Variants in MUSK observed in about 807,000 individuals in gnomAD.
MUSK encodes the protein muscle, skeletal receptor tyrosine-protein kinase.
MUSK carries 55 observed loss-of-function variants against 88.7 expected under a neutral mutation model. The observed-to-expected ratio is 0.62, with a 90% CI of 0.50 to 0.78. The LOEUF (loss-of-function observed/expected upper bound fraction) is 0.78. Ranked by LOEUF, MUSK falls within the 30% of genes least tolerant of loss-of-function variation. The pLI is 0.00. For missense variants in MUSK, 1,015 were observed against 1,074.3 expected (o/e 0.94, Z 0.77); for synonymous variants, 387 against 391.9 (o/e 0.99, Z 0.15).
intron 7 of MUSK, among the ~76,000 whole-genome samples, chr9:110,753,905 T>C (rs538888831): frequency 2.0e-5 from 3 of 152,328 alleles, no homozygotes; most frequent in African/African-American, 7.2e-5. Flanking sequence ...TCAGTATAGC[T>C]GATTGAATGT....
At chr9:110,707,870 G>A (rs146328484) in intron 5 of MUSK, among the ~76,000 whole-genome samples, 188 of 152,192 alleles carry the variant, frequency 1.2e-3, no homozygotes, top group African/African-American at 4.2e-3. Context: ...GCAAGGGAAG[G>A]CAAGTCATAT....
intron 5 of MUSK, among the ~76,000 whole-genome samples, chr9:110,725,629 T>A (rs1328116902): frequency 1.3e-5 from 2 of 151,970 alleles, no homozygotes; most frequent in Non-Finnish European, 2.9e-5. Flanking sequence ...CTAATGCAAC[T>A]GGCAAATAAC....
chr9:110,727,125 T>G (rs2076896061), intron 5 of MUSK, among the ~76,000 whole-genome samples: 1 of 152,090 alleles, frequency 6.6e-6, no homozygotes, highest in Non-Finnish European at 1.5e-5. Context: ...TTTAAATAGT[T>G]TTTGAACTTG....
chr9:110,680,495 T>G (rs2131642567), intron 1 of MUSK, among the ~76,000 whole-genome samples: 1 of 151,744 alleles, frequency 6.6e-6, no homozygotes, highest in Non-Finnish European at 1.5e-5. Flanking sequence ...GCGATTATAG[T>G]ACTTCAGCCT....
At chr9:110,776,104 AC>A in intron 10 of MUSK, 141 bp downstream of exon 10, 3 of 765,342 alleles carry the variant, frequency 3.9e-6, no homozygotes, top group Non-Finnish European at 6.4e-6. Flanking sequence ...TTAGATACCT[AC>A]TAGCGGAATC....
chr9:110,692,055 A>G (rs2076363870), intron 3 of MUSK, among the ~76,000 whole-genome samples: 2 of 152,198 alleles, frequency 1.3e-5, no homozygotes, highest in South Asian at 4.1e-4. Flanking sequence ...AGAGTTCATA[A>G]ATTTCACAAA....
At chr9:110,736,101 C>A (rs1298563514) in intron 6 of MUSK, among the ~76,000 whole-genome samples, 3 of 151,994 alleles carry the variant, frequency 2.0e-5, no homozygotes, top group African/African-American at 7.2e-5. Context: ...TAGCACAATA[C>A]AATATTTAAG....
Position 110,784,992 on chromosome 9 carries a change from G to T in MUSK, c.1562G>T (p.Arg521Ile). 1 of 1,613,560 alleles carries T rather than the reference G, an allele frequency of 6.2e-7. No homozygotes were observed. The highest frequency in any genetic ancestry group is 8.5e-7 in the Non-Finnish European group (1 of 1,179,730). Residue 521 changes from arginine to isoleucine, a missense_variant, in exon 12 of 15, where the codon AGA becomes ATA. By Grantham distance (97) the Arg-to-Ile change is moderately conservative. Coordinates refer to ENST00000374448, the MANE Select transcript of MUSK (RefSeq NM_005592.4). ...ACTACTCTCTATTGCTGCCGAAGAAGAAAACAATGGAAAAATAAGAAAAGG... is the reference window on the plus strand; with the variant it reads ...ACTACTCTCTATTGCTGCCGAAGAATAAAACAATGGAAAAATAAGAAAAGG... ...TITTLYCCRR[R>I]KQWKNKKRES...
chr9:110,758,036 G>A (rs1046578392), intron 7 of MUSK, among the ~76,000 whole-genome samples: 3 of 151,722 alleles, frequency 2.0e-5, no homozygotes, highest in Non-Finnish European at 2.9e-5. Flanking sequence ...GTGTGATCTC[G>A]GCTCATTGCA....
intron 3 of MUSK, among the ~76,000 whole-genome samples, chr9:110,690,203 T>G (rs1270446016): frequency 2.9e-5 from 3 of 104,560 alleles, no homozygotes; most frequent in Non-Finnish European, 3.4e-5. Context: ...TATAAATATA[T>G]ATAAATATAT....
At chr9:110,763,600 T>C (rs1315411334) in intron 8 of MUSK, among the ~76,000 whole-genome samples, 1 of 152,178 alleles carries the variant, frequency 6.6e-6, no homozygotes, top group Non-Finnish European at 1.5e-5. Context: ...GAATCTGTCA[T>C]TACCTTTGTT....
At chr9:110,717,991 T>G (rs1482357890) in intron 5 of MUSK, among the ~76,000 whole-genome samples, 1 of 152,152 alleles carries the variant, frequency 6.6e-6, no homozygotes, top group African/African-American at 2.4e-5. Context: ...ACTCAGGAAG[T>G]ACAGAGTGAC....
At chr9:110,697,251 G>C in intron 4 of MUSK, 74 bp from the exon 5 acceptor site, 1 of 1,489,070 alleles carries the variant, frequency 6.7e-7, no homozygotes, top group Non-Finnish European at 9.3e-7. Flanking sequence ...ATGACAATAA[G>C]TTGATGATAT....
chr9:110,746,866 C>T (rs923571366), intron 6 of MUSK, among the ~76,000 whole-genome samples: 1 of 152,152 alleles, frequency 6.6e-6, no homozygotes, highest in African/African-American at 2.4e-5. Flanking sequence ...ACCATTTTTC[C>T]TGACAACCAT....
chr9:110,779,494 C>T (rs943588002), intron 11 of MUSK, among the ~76,000 whole-genome samples: 6 of 152,072 alleles, frequency 3.9e-5, no homozygotes, highest in Non-Finnish European at 5.9e-5. Flanking sequence ...CAATTTTTAA[C>T]TTTTTCTTTT....
At chr9:110,685,219 G>A (rs188441253) in intron 2 of MUSK, among the ~76,000 whole-genome samples, 5 of 152,054 alleles carry the variant, frequency 3.3e-5, no homozygotes, top group East Asian at 1.9e-4. Flanking sequence ...TGAAATAATC[G>A]TATGTTTCTT....
At chr9:110,689,987 ATAATTATAT>A in intron 3 of MUSK, among the ~76,000 whole-genome samples, 2 of 46,038 alleles carry the variant, frequency 4.3e-5, no homozygotes, top group Non-Finnish European at 7.2e-5. Flanking sequence ...TATAAATATT[ATAATTATAT>A]ATTATATATT....
intron 7 of MUSK, 167 bp from the exon 8 acceptor site, chr9:110,762,035 A>C (rs1246504266): frequency 1.2e-6 from 1 of 825,254 alleles, no homozygotes; most frequent in Non-Finnish European, 1.5e-6. Context: ...GAATCTGCCC[A>C]TTAATGCAGC....
At chr9:110,759,692 T>C (rs2077372022) in intron 7 of MUSK, among the ~76,000 whole-genome samples, 1 of 152,138 alleles carries the variant, frequency 6.6e-6, no homozygotes, top group African/African-American at 2.4e-5. Context: ...AAAGAAGACA[T>C]ACATGCAGCC....
Sources: allele counts gnomAD v4.1 joint callset (sites outside exome capture counted in the v4.1 genomes callset), GRCh38; gene constraint gnomAD v4.1.1; transcripts MANE v1.5; gene names NCBI Gene and HGNC (gene_info 2026-07-23, HGNC 2026-07-21).